The following PIEZO1 variants were observed in gnomAD, a reference collection of about 807,000 sequenced individuals.
PIEZO1 encodes the protein piezo type mechanosensitive ion channel component 1 (Er blood group), also known as piezo-type mechanosensitive ion channel component 1.
A neutral mutation model predicts 297.2 loss-of-function variants in PIEZO1; 296 were observed. The ratio of observed to expected loss-of-function variants is 1.00; its 90% confidence interval spans 0.91 to 1.10. The LOEUF (loss-of-function observed/expected upper bound fraction) is 1.10. Among genes scored for constraint, PIEZO1 ranks in the 50% least tolerant of loss-of-function variants. The probability of loss-of-function intolerance (pLI) is 0.00; values close to 1 mark genes in which losing one functional copy is unlikely to be tolerated. For missense variants in PIEZO1, 5,018 were observed against 3,455.5 expected (o/e 1.45, Z -11.34); for synonymous variants, 2,427 against 1,507.5 (o/e 1.61, Z -14.13).
At chr16:88,720,557 G>A in intron 40 of PIEZO1, 25 bp from the exon 41 acceptor site, 2 of 1,547,872 alleles carry the variant, frequency 1.3e-6, no homozygotes, top group Non-Finnish European at 1.7e-6. Context: ...GCTCAGCCTG[G>A]GCCCAGTACC....
chr16:88,776,192 T>C (rs1380569201), intron 1 of PIEZO1, among the ~76,000 whole-genome samples: 1 of 152,214 alleles, frequency 6.6e-6, no homozygotes, highest in Non-Finnish European at 1.5e-5. Context: ...CCCAGCATTC[T>C]GGGAGGCCGA....
intron 44 of PIEZO1, 179 bp from the exon 45 acceptor site, chr16:88,717,390 C>T: frequency 1.5e-6 from 1 of 655,828 alleles, no homozygotes; most frequent in Non-Finnish European, 2.8e-6. Context: ...CCAGTTGGAA[C>T]CCTCATGTTC....
chr16:88,722,884 C>T lies in PIEZO1; in HGVS notation c.4621G>A (p.Asp1541Asn), dbSNP rs754519718. Residue 1541 changes from aspartate to asparagine, a missense_variant, in exon 34 of 51, where the codon GAC (aspartate) becomes AAC (asparagine). Asp to Asn is a conservative substitution (Grantham distance 23, BLOSUM62 1). Coordinates refer to ENST00000301015, the MANE Select transcript of PIEZO1 (RefSeq NM_001142864.4). ...EFTRHHGTMSDVLRAERYLLT... is the reference protein window; with the variant it reads ...EFTRHHGTMSNVLRAERYLLT... ...AGGTAGCGCTCTGCCCGCAGCACGT[C>T]GCTCATGGTGCCGTGGTGCCGGGTG... is the stretch of plus-strand genomic sequence containing the variant. 29 of 1,548,752 alleles carry T rather than the reference C, an allele frequency of 1.9e-5. No individual in the cohort carries two copies. In the South Asian group the frequency reaches 2.5e-4, roughly 13 times the overall value.
intron 1 of PIEZO1, among the ~76,000 whole-genome samples, chr16:88,780,511 C>T (rs542526509): frequency 2.0e-5 from 3 of 152,176 alleles, no homozygotes; most frequent in African/African-American, 7.2e-5. Context: ...ACACAGGACC[C>T]ACACCCAGCA....
chr16:88,747,189 CCACTGCT>C (rs1270120582), intron 2 of PIEZO1, among the ~76,000 whole-genome samples: 4 of 151,896 alleles, frequency 2.6e-5, no homozygotes. Context: ...CATGATCATG[CCACTGCT>C]CTCCAGCCTG....
chr16:88,721,740 G>A lies in PIEZO1; in HGVS notation c.5215-14C>T. The A allele has an allele frequency of 2.6e-6, 4 of 1,536,458 alleles. No individual in the cohort carries two copies. The highest frequency in any genetic ancestry group is 3.5e-6 in the Non-Finnish European group (4 of 1,140,300). ...GACCACCGCGATCTGTGGGGGAGGG[G>A]GCTCAGCACGCGGGGAGGGTCACGG... On this transcript the variant is annotated splice_polypyrimidine_tract_variant and intron_variant, in intron 37 of 50. Coordinates refer to ENST00000301015, the MANE Select transcript of PIEZO1 (RefSeq NM_001142864.4).
intron 2 of PIEZO1, 118 bp downstream of exon 2, chr16:88,749,266 G>C (rs868408574): frequency 1.6e-6 from 1 of 614,274 alleles, no homozygotes; most frequent in Middle Eastern, 2.6e-4. Flanking sequence ...TTTATTTCGG[G>C]ACCCCTCATC....
intron 1 of PIEZO1, among the ~76,000 whole-genome samples, chr16:88,751,629 C>T (rs1013404697): frequency 2.0e-5 from 3 of 151,974 alleles, no homozygotes; most frequent in Non-Finnish European, 4.4e-5. Flanking sequence ...GCCATCGGCT[C>T]CATGCTTTTA....
chr16:88,736,087 G>T (rs1305277640), intron 12 of PIEZO1, 61 bp downstream of exon 12: 4 of 1,467,640 alleles, frequency 2.7e-6, no homozygotes, highest in African/African-American at 2.8e-5. Flanking sequence ...CATTGAACAG[G>T]ACGACAACCC....
Position 88,734,433 on chromosome 16 carries a change from G to A in PIEZO1, c.2103C>T (p.Phe701=), listed in dbSNP as rs1365478132. The A allele has an allele frequency of 6.5e-7, 1 of 1,549,916 alleles. No individual in the cohort carries two copies. The highest frequency in any genetic ancestry group is 8.7e-7 in the Non-Finnish European group (1 of 1,146,756). ...CGGTGAGCTGCATGAAGGGCCTGTG[G>A]AAGTAGTGCAGCTGCAGGATGCAGG... is the stretch of plus-strand genomic sequence containing the variant. ...LLACILQLHY[F]HRPFMQLTDM... Residue 701 remains phenylalanine, a synonymous_variant, in exon 16 of 51, where the codon TTC becomes TTT. Coordinates refer to ENST00000301015, the MANE Select transcript of PIEZO1 (RefSeq NM_001142864.4).
Position 88,717,073 on chromosome 16 carries a change from C to G in PIEZO1, c.6610G>C (p.Val2204Leu), listed in dbSNP as rs969108952. 2 of 1,550,932 alleles carry G rather than the reference C, an allele frequency of 1.3e-6. No homozygotes were observed. Among genetic ancestry groups the G allele is most frequent in the African/African-American group, 2.7e-5 (2 of 73,058 alleles). The change falls in exon 45 of 51, where the codon GTC becomes CTC. Residue 2204 changes from valine (V) to leucine (L), a missense_variant. Val to Leu is a conservative substitution (Grantham distance 32). Transcript: ENST00000301015. ...ACGGTGACATCGATGGGCTGGTTGA[C>G]AACCCCAACCACGGAGCGCACCAGC... ...MSLVRSVVGV[V>L]NQPIDVTVTL...
rs1380903537 is a variant in PIEZO1, at chr16:88,734,047, C to T, written c.2188G>A (p.Ala730Thr). The T allele has an allele frequency of 2.0e-6, 3 of 1,519,886 alleles. No homozygotes were observed. In the African/African-American group the frequency reaches 4.2e-5, roughly 21 times the overall value. 94.1% of individuals were successfully genotyped at this position (1,519,886 alleles called of 1,614,324 possible). A position where few individuals can be genotyped will look rare whatever the true frequency, so the allele number is the denominator to read the frequency against. ...RLPRWAHRQD[A>T]VSGTPLLREE... ...CGCAGCAGTGGGGTCCCACTCACTG[C>T]ATCCTGCCTGGGAGAGGGTCCGAAA... Residue 730 changes from alanine (A) to threonine (T), a missense_variant, in exon 17 of 51, where the codon GCA becomes ACA. Physicochemically the swap from Ala to Thr is moderately conservative, Grantham distance 58. Coordinates refer to ENST00000301015, the MANE Select transcript of PIEZO1 (RefSeq NM_001142864.4).
chr16:88,770,378 C>T (rs2142898053), intron 1 of PIEZO1, among the ~76,000 whole-genome samples: 1 of 152,314 alleles, frequency 6.6e-6, no homozygotes, highest in Middle Eastern at 3.4e-3. Context: ...GGAGCTGGCT[C>T]GACCTTTAGG....
chr16:88,737,483 G>T, intron 10 of PIEZO1, 76 bp downstream of exon 10: 2 of 1,020,986 alleles, frequency 2.0e-6, no homozygotes, highest in South Asian at 1.6e-5. Flanking sequence ...AGAGCGCCAG[G>T]CGGCCACCAG....
chr16:88,733,770 G>T (rs753985118), intron 17 of PIEZO1, 25 bp from the exon 18 acceptor site: 1 of 1,507,564 alleles, frequency 6.6e-7, no homozygotes, highest in Non-Finnish European at 8.9e-7. Flanking sequence ...GGGTCAGTGC[G>T]GGGCACAAAC....
At position 88,736,212 on chromosome 16, in the gene PIEZO1, G is replaced by A; in HGVS notation, c.1493C>T (p.Pro498Leu). ...CAGCCCCAGCTGGCGCAGGCTGACGGGGCCCAGGGTGGTGGGCAGCTCAGG... is the reference window on the plus strand; with the variant it reads ...CAGCCCCAGCTGGCGCAGGCTGACGAGGCCCAGGGTGGTGGGCAGCTCAGG... Reference protein sequence around the residue: ...LRPELPTTLGPVSLRQLGLEH... With the variant: ...LRPELPTTLGLVSLRQLGLEH... The change falls in exon 12 of 51, where the codon CCC becomes CTC. Residue 498 changes from proline (P) to leucine (L), a missense_variant. Coordinates refer to ENST00000301015, the MANE Select transcript of PIEZO1 (RefSeq NM_001142864.4). 1 of 1,549,862 alleles carries A rather than the reference G, an allele frequency of 6.5e-7. No homozygotes were observed. Among genetic ancestry groups the A allele is most frequent in the Non-Finnish European group, 8.7e-7 (1 of 1,146,746 alleles).
chr16:88,727,202 A>C lies in PIEZO1; in HGVS notation c.3302-10T>G. 6.5e-7 allele frequency: 1 copy of C among 1,527,334 alleles called. No individual in the cohort carries two copies. Among genetic ancestry groups the C allele is most frequent in the Non-Finnish European group, 8.8e-7 (1 of 1,134,204 alleles). 94.6% of individuals were successfully genotyped at this position (1,527,334 alleles called of 1,614,324 possible). A position where few individuals can be genotyped will look rare whatever the true frequency, so the allele number is the denominator to read the frequency against. ...AGCAGGAGAAAGTCGCCTGCAGGAC[A>C]CAGGAGCCGCCGCTGTGCCACACGG... On this transcript the variant is annotated splice_polypyrimidine_tract_variant and intron_variant, in intron 23 of 50. Transcript: ENST00000301015.
Position 88,726,829 on chromosome 16 carries a change from G to A in PIEZO1, c.3585C>T (p.Tyr1195=). 1.3e-6 allele frequency: 2 copies of A among 1,550,378 alleles called. No individual in the cohort carries two copies. Among genetic ancestry groups the A allele is most frequent in the Admixed American group, 2.0e-5 (1 of 51,010 alleles). ...GCAGGGCCGTGCCGAAGAGCAGCAG[G>A]TAGAAGCAGGCCAGCAGGTAGCCCA... ...FGLGYLLACF[Y]LLLFGTALLQ... Residue 1195 remains tyrosine, a synonymous_variant, in exon 25 of 51, where the codon TAC becomes TAT. Coordinates refer to ENST00000301015, the MANE Select transcript of PIEZO1 (RefSeq NM_001142864.4).
In PIEZO1 at chr16:88,722,007, G is replaced by GCCCGGCCCTGC; in HGVS notation, c.5004_5014dup (p.Ala1672GlyfsTer64). On this transcript the variant is annotated frameshift_variant, in exon 37 of 51. Transcript: ENST00000301015. LOFTEE classifies it high-confidence loss of function. ...GTACACGGCCCGCAGCAGCCGCAGC[G>GCCCGGCCCTGC]CCCGGCCCTGCCCCTCCGCAAACAG... The GCCCGGCCCTGC allele has an allele frequency of 2.6e-6, 4 of 1,548,712 alleles. No homozygotes were observed. Among genetic ancestry groups the GCCCGGCCCTGC allele is most frequent in the Non-Finnish European group, 3.5e-6 (4 of 1,146,642 alleles).
Sources: allele counts gnomAD v4.1 joint callset (sites outside exome capture counted in the v4.1 genomes callset), GRCh38; gene constraint gnomAD v4.1.1; transcripts MANE v1.5; gene names NCBI Gene and HGNC (gene_info 2026-07-23, HGNC 2026-07-21).